The following PID1 variants were observed in gnomAD, a reference collection of about 807,000 sequenced individuals.
PID1 encodes the protein PTB-containing, cubilin and LRP1-interacting protein.
In PID1, 10 loss-of-function variants were observed where a neutral mutation model predicts 19.1. The ratio of observed to expected loss-of-function variants is 0.52; its 90% CI spans 0.32 to 0.89. The LOEUF (loss-of-function observed/expected upper bound fraction) is 0.89. PID1 is among the 40% of genes least tolerant of loss of function. The probability of loss-of-function intolerance (pLI) is 0.03; values close to 1 mark genes in which losing one functional copy is unlikely to be tolerated. For missense variants in PID1, 248 were observed against 285.3 expected (o/e 0.87, Z 0.94); for synonymous variants, 130 against 116.0 (o/e 1.12, Z -0.78).
At chr2:229,248,330 G>A (rs144544462) in intron 1 of PID1, among the ~76,000 whole-genome samples, 120 of 152,202 alleles carry the variant, frequency 7.9e-4, no homozygotes, top group African/African-American at 2.9e-3. Context: ...ACATGCTCCT[G>A]GAACAGGAAT....
At chr2:229,234,966 A>G (rs565774277) in intron 1 of PID1, among the ~76,000 whole-genome samples, 17 of 152,348 alleles carry the variant, frequency 1.1e-4, no homozygotes, top group Admixed American at 8.5e-4. Flanking sequence ...AAATCCTGGT[A>G]ATCAAATGCA....
chr2:229,196,575 T>A (rs944904566), intron 1 of PID1, among the ~76,000 whole-genome samples: 1 of 152,064 alleles, frequency 6.6e-6, no homozygotes, highest in Admixed American at 6.6e-5. Context: ...TGCATGTAAA[T>A]CAGTCAAATT....
At chr2:229,145,749 C>T (rs537235041) in intron 2 of PID1, among the ~76,000 whole-genome samples, 1 of 152,026 alleles carries the variant, frequency 6.6e-6, no homozygotes, top group African/African-American at 2.4e-5. Context: ...TTTCATGTGC[C>T]CACTATATTA....
intron 1 of PID1, among the ~76,000 whole-genome samples, chr2:229,255,036 AT>A (rs1690256541): frequency 6.6e-6 from 1 of 152,300 alleles, no homozygotes; most frequent in South Asian, 2.1e-4. Flanking sequence ...AGTGTGCAAT[AT>A]TTTTTCAAAT....
At chr2:229,139,745 C>A (rs1401897477) in intron 2 of PID1, among the ~76,000 whole-genome samples, 1 of 152,124 alleles carries the variant, frequency 6.6e-6, no homozygotes, top group African/African-American at 2.4e-5. Flanking sequence ...TCTTTAACAT[C>A]CACACAAATG....
chr2:229,102,885 TG>T (rs1237023945), intron 2 of PID1, among the ~76,000 whole-genome samples: 1 of 152,152 alleles, frequency 6.6e-6, no homozygotes, highest in African/African-American at 2.4e-5. Context: ...TTGGAGAAGA[TG>T]CTGTCTTTCA....
At chr2:229,180,991 C>G (rs1428290670) in intron 1 of PID1, among the ~76,000 whole-genome samples, 8 of 152,250 alleles carry the variant, frequency 5.3e-5, no homozygotes, top group Non-Finnish European at 1.0e-4. Context: ...TCCAGGGCAC[C>G]CTGCCCTTCA....
At position 229,190,875 on chromosome 2, in the gene PID1, C is replaced by A. The variant is rs140054249; in HGVS notation, c.31-34911G>T. 9.9e-5 allele frequency among the ~76,000 whole-genome samples: 15 copies of A among 152,246 alleles called. No homozygotes were observed. In the East Asian group the frequency reaches 2.9e-3, roughly 29 times the overall value. The stretch of plus-strand genomic sequence containing the variant: ...ACTCTCAACAGGGACCACATCACCC[C>A]CATAGAGGCAAAAACTGGTTCTTGA... On this transcript the variant is annotated intron_variant, in intron 1 of 2. Coordinates refer to ENST00000392055, the MANE Select transcript of PID1 (RefSeq NM_001100818.2).
chr2:229,132,285 A>G (rs1388143692), intron 2 of PID1, among the ~76,000 whole-genome samples: 1 of 152,222 alleles, frequency 6.6e-6, no homozygotes, highest in Non-Finnish European at 1.5e-5. Flanking sequence ...TGACATCAGG[A>G]AGAAGGGGTC....
chr2:229,134,148 T>C (rs1689805910), intron 2 of PID1, among the ~76,000 whole-genome samples: 1 of 151,850 alleles, frequency 6.6e-6, no homozygotes, highest in African/African-American at 2.4e-5. Flanking sequence ...TCTTCCTTTA[T>C]ACTAAAGGCC....
intron 1 of PID1, among the ~76,000 whole-genome samples, chr2:229,216,895 A>G (rs945356349): frequency 6.6e-6 from 1 of 152,162 alleles, no homozygotes. Flanking sequence ...ATTTTTTTAA[A>G]AAAAAGCAAA....
chr2:229,127,485 G>C (rs1394010874), intron 2 of PID1, among the ~76,000 whole-genome samples: 1 of 152,150 alleles, frequency 6.6e-6, no homozygotes, highest in African/African-American at 2.4e-5. Flanking sequence ...GCCATCAGAA[G>C]GTGATATTCT....
At chr2:229,210,164 T>C (rs1350013875) in intron 1 of PID1, among the ~76,000 whole-genome samples, 1 of 145,120 alleles carries the variant, frequency 6.9e-6, no homozygotes, top group Non-Finnish European at 1.5e-5. Flanking sequence ...AAGTAAAATA[T>C]GTAAAGGAGG....
intron 2 of PID1, among the ~76,000 whole-genome samples, chr2:229,095,945 C>T (rs897589819): frequency 2.6e-5 from 4 of 152,140 alleles, no homozygotes; most frequent in African/African-American, 4.8e-5. Flanking sequence ...GATATCTTTG[C>T]ACCAATGCAG....
chr2:229,090,948 T>C (rs774187388), intron 2 of PID1, among the ~76,000 whole-genome samples: 8 of 152,196 alleles, frequency 5.3e-5, no homozygotes, highest in Non-Finnish European at 1.2e-4. Flanking sequence ...GAGGTTCCTC[T>C]ATTGTTTACC....
rs142727463 is a variant in PID1 at position 229,170,608 on chromosome 2, T to C, written c.31-14644A>G. 2.9e-3 allele frequency among the ~76,000 whole-genome samples: 440 copies of C among 152,306 alleles called. 5 individuals are homozygous for C. The highest frequency in any genetic ancestry group is 9.5e-3 in the African/African-American group (395 of 41,570). On this transcript the variant is annotated intron_variant, in intron 1 of 2. Transcript: ENST00000392055. ...AATTTTTTTCTCTTTTCTCTTTTGC[T>C]CTCTTCTTGATAATTTTTATTTTCT...
chr2:229,137,091 T>C (rs1689871899), intron 2 of PID1, among the ~76,000 whole-genome samples: 2 of 152,324 alleles, frequency 1.3e-5, no homozygotes, highest in South Asian at 4.1e-4. Context: ...AGAACACTAA[T>C]AAAATCAAGT....
intron 2 of PID1, among the ~76,000 whole-genome samples, chr2:229,062,112 C>A (rs1460341346): frequency 6.6e-6 from 1 of 151,872 alleles, no homozygotes; most frequent in Non-Finnish European, 1.5e-5. Context: ...CTAGCTACAA[C>A]TTTCAATACT....
intron 2 of PID1, among the ~76,000 whole-genome samples, chr2:229,074,842 G>C (rs1694526077): frequency 6.6e-6 from 1 of 152,126 alleles, no homozygotes; most frequent in African/African-American, 2.4e-5. Context: ...AAGGTGATTT[G>C]AGCTTGCTGT....
Sources: gnomAD v4.1 joint callset for allele counts (sites outside exome capture counted in the v4.1 genomes callset) on GRCh38, gnomAD v4.1.1 for gene constraint, MANE v1.5 for transcripts, NCBI Gene and HGNC (gene_info 2026-07-23, HGNC 2026-07-21) for gene names.